The following MANBA variants were observed in gnomAD, a reference collection of about 807,000 sequenced individuals.
The protein encoded by MANBA is mannosidase beta.
In MANBA, 83 loss-of-function variants were observed where a neutral mutation model predicts 111.1. The ratio of observed to expected loss-of-function variants is 0.75; its 90% confidence interval spans 0.63 to 0.90. MANBA has a LOEUF of 0.90. Among genes scored for constraint, MANBA ranks in the 40% least tolerant of loss-of-function variants. MANBA has a pLI of 0.00. For missense variants in MANBA, 1,036 were observed against 1,069.0 expected, an observed-to-expected ratio of 0.97 and a Z score of 0.43; for synonymous variants, 370 against 378.7, an observed-to-expected ratio of 0.98 and a Z score of 0.27.
chr4:102,731,250 G>A (rs1266902515), intron 1 of MANBA, among the ~76,000 whole-genome samples: 2 of 151,924 alleles, frequency 1.3e-5, no homozygotes, highest in Non-Finnish European at 1.5e-5. Context: ...TATCAGCAGA[G>A]AATGAAAGAC....
In MANBA at chr4:102,670,481, A is replaced by T. The variant is rs77218481; in HGVS notation, c.1230+800T>A. On this transcript the variant is annotated intron_variant, in intron 9 of 16. Coordinates refer to ENST00000647097, the MANE Select transcript of MANBA (RefSeq NM_005908.4). ...ACTCTTTATATTTTAGAACAACAAT[A>T]ATAGAACTAACAGAATATATTTTCT... is the stretch of plus-strand genomic sequence containing the variant. Among the ~76,000 whole-genome samples, 1,412 of 152,328 alleles carry T rather than the reference A, an allele frequency of 9.3e-3. 28 individuals carry two copies. Among genetic ancestry groups the T allele is most frequent in the African/African-American group, 0.032 (1,340 of 41,574 alleles).
At chr4:102,745,469 T>C (rs1034020755) in intron 1 of MANBA, among the ~76,000 whole-genome samples, 12 of 152,178 alleles carry the variant, frequency 7.9e-5, no homozygotes, top group Middle Eastern at 6.8e-3. Flanking sequence ...TCGCAAAGCG[T>C]TGGTCAAGGG....
intron 11 of MANBA, chr4:102,659,099 G>C (rs758194262): frequency 1.3e-5 from 2 of 152,182 alleles, no homozygotes; most frequent in Non-Finnish European, 2.9e-5. Flanking sequence ...ACTCTGTCAA[G>C]TACTTATACA....
chr4:102,639,404 AT>A (rs1272911869), intron 14 of MANBA, among the ~76,000 whole-genome samples: 1 of 152,234 alleles, frequency 6.6e-6, no homozygotes, highest in African/African-American at 2.4e-5. Flanking sequence ...TCTTAAATAA[AT>A]TCAAAATTCT....
chr4:102,734,438 C>A, intron 1 of MANBA: 1 of 1,607,444 alleles, frequency 6.2e-7, no homozygotes, highest in Non-Finnish European at 8.5e-7. Flanking sequence ...ACGGACTCTT[C>A]CTGGGAGCCA....
chr4:102,664,230 C>T (rs1436531928), intron 11 of MANBA, among the ~76,000 whole-genome samples: 1 of 152,198 alleles, frequency 6.6e-6, no homozygotes, highest in Non-Finnish European at 1.5e-5. Context: ...TGAATCCTTT[C>T]ATCTGCTGCT....
intron 7 of MANBA, among the ~76,000 whole-genome samples, chr4:102,681,929 T>G (rs1731997722): frequency 6.6e-6 from 1 of 152,034 alleles, no homozygotes; most frequent in African/African-American, 2.4e-5. Flanking sequence ...GTGGATCACC[T>G]GAGGTCGGGA....
chr4:102,732,915 A>G lies in MANBA; in HGVS notation c.178-6232T>C, dbSNP rs1723081314. ...AAGGTGTGAGAGCAATTCAGCCACA[A>G]CACATCAACACACTAAGCCCGGGGG... On this transcript the variant is annotated intron_variant, in intron 1 of 16. Transcript: ENST00000647097. Among the ~76,000 whole-genome samples the G allele has an allele frequency of 2.0e-5, 3 of 152,164 alleles. No homozygotes were observed. The South Asian group carries it at 6.2e-4, about 32-fold the overall frequency.
intron 1 of MANBA, chr4:102,751,544 C>T (rs769194367): frequency 3.7e-5 from 20 of 533,434 alleles, no homozygotes; most frequent in Non-Finnish European, 6.5e-5. Context: ...ATGAGTTCCA[C>T]AAACATATGG....
At chr4:102,671,144 T>A in intron 9 of MANBA, 137 bp downstream of exon 9, 1 of 684,590 alleles carries the variant, frequency 1.5e-6, no homozygotes, top group Non-Finnish European at 2.7e-6. Flanking sequence ...GTTTACAAGA[T>A]GCCATTTATT....
intron 1 of MANBA, among the ~76,000 whole-genome samples, chr4:102,756,588 C>A (rs1357982217): frequency 2.6e-5 from 4 of 151,630 alleles, no homozygotes; most frequent in African/African-American, 9.7e-5. Flanking sequence ...TGTAACAAAC[C>A]TGCACGTTGT....
intron 4 of MANBA, among the ~76,000 whole-genome samples, chr4:102,717,091 A>G (rs918739364): frequency 6.6e-6 from 1 of 152,140 alleles, no homozygotes; most frequent in Non-Finnish European, 1.5e-5. Context: ...AAAATAATCA[A>G]CATCTTATGA....
chr4:102,638,582 C>T (rs1729730604), intron 14 of MANBA, among the ~76,000 whole-genome samples: 1 of 152,176 alleles, frequency 6.6e-6, no homozygotes, highest in Non-Finnish European at 1.5e-5. Flanking sequence ...GAATCGAACT[C>T]AGTTTCAGTC....
rs1181882645 is a variant in MANBA at position 102,634,885 on chromosome 4, A to G, written c.2318T>C (p.Phe773Ser). The change falls in exon 16 of 17, where the codon TTT becomes TCT. Residue 773 changes from phenylalanine (F) to serine (S), a missense_variant. Phe to Ser is a radical substitution (Grantham distance 155). Coordinates refer to ENST00000647097, the MANE Select transcript of MANBA (RefSeq NM_005908.4). ...NCTRESCVVS[F>S]YLSADHELLS... ...GAGTTCATGGTCAGCTGAAAGGTAA[A>G]AGGAAACCACACAGCTTTCCCGTGT... is the stretch of plus-strand genomic sequence containing the variant. 4 of 1,614,200 alleles carry G rather than the reference A, an allele frequency of 2.5e-6. No homozygotes were observed. The highest frequency in any genetic ancestry group is 4.5e-5 in the East Asian group (2 of 44,884).
chr4:102,755,832 T>G (rs1323318750), intron 1 of MANBA, among the ~76,000 whole-genome samples: 1 of 152,162 alleles, frequency 6.6e-6, no homozygotes, highest in African/African-American at 2.4e-5. Context: ...CAGACACTTC[T>G]CAAAAGAAGA....
At chr4:102,758,551 C>CTTTTTTTT (rs374542775) in intron 1 of MANBA, among the ~76,000 whole-genome samples, 5 of 137,134 alleles carry the variant, frequency 3.6e-5, no homozygotes, top group East Asian at 2.1e-4. Flanking sequence ...TACTTTTTTT[C>CTTTTTTTT]TTTTTTTTTT....
At chr4:102,734,340 C>A (rs1723132565) in intron 1 of MANBA, 5 of 1,601,120 alleles carry the variant, frequency 3.1e-6, no homozygotes, top group Non-Finnish European at 4.3e-6. Flanking sequence ...AGACCTCAGG[C>A]AGCAAGCGAC....
At chr4:102,640,117 T>C (rs1729815037) in intron 13 of MANBA, among the ~76,000 whole-genome samples, 1 of 152,050 alleles carries the variant, frequency 6.6e-6, no homozygotes, top group African/African-American at 2.4e-5. Context: ...GGAAATAGGA[T>C]GGTGTAAAAG....
intron 5 of MANBA, among the ~76,000 whole-genome samples, chr4:102,700,426 T>C (rs886220492): frequency 6.6e-6 from 1 of 152,122 alleles, no homozygotes; most frequent in Non-Finnish European, 1.5e-5. Flanking sequence ...GCTCTTGCTT[T>C]TCTAATTCTT....
Sources: gnomAD v4.1 joint callset for allele counts (sites outside exome capture counted in the v4.1 genomes callset) on GRCh38, gnomAD v4.1.1 for gene constraint, MANE v1.5 for transcripts, NCBI Gene and HGNC (gene_info 2026-07-23, HGNC 2026-07-21) for gene names.